Variants in HCRTR2 observed in about 807,000 individuals in gnomAD.
The protein encoded by HCRTR2 is orexin receptor type 2.
In HCRTR2, 22 loss-of-function variants were observed where a neutral mutation model predicts 49.0. The ratio of observed to expected loss-of-function variants is 0.45; its 90% CI spans 0.32 to 0.64. The LOEUF (loss-of-function observed/expected upper bound fraction) is 0.64, where lower values mean the gene tolerates loss of function less well. Ranked by LOEUF, HCRTR2 falls within the 30% of genes least tolerant of loss-of-function variation. The pLI, the probability that HCRTR2 is intolerant of heterozygous loss-of-function variation, is 0.04. For synonymous variants in HCRTR2, 236 were observed against 205.3 expected, an observed-to-expected ratio of 1.15 and a Z score of -1.28; for missense variants, 491 against 559.4, an observed-to-expected ratio of 0.88 and a Z score of 1.23.
intron 1 of HCRTR2, among the ~76,000 whole-genome samples, chr6:55,238,571 C>G (rs987743746): frequency 6.6e-6 from 1 of 152,142 alleles, no homozygotes; most frequent in South Asian, 2.1e-4. Flanking sequence ...GAAACACACA[C>G]ACACGCTCAC....
At chr6:55,270,294 C>T (rs1372683802) in intron 4 of HCRTR2, among the ~76,000 whole-genome samples, 2 of 152,092 alleles carry the variant, frequency 1.3e-5, no homozygotes, top group Non-Finnish European at 2.9e-5. Context: ...TTTTCAAGTC[C>T]TATACATGAA....
intron 1 of HCRTR2, among the ~76,000 whole-genome samples, chr6:55,116,709 G>GAA (rs1764121416): frequency 6.0e-5 from 1 of 16,718 alleles, no homozygotes; most frequent in African/African-American, 1.2e-4. Flanking sequence ...ACTGTAAAGA[G>GAA]AGAGAGAAAA....
chr6:55,203,247 T>C (rs1765541648), intron 1 of HCRTR2, among the ~76,000 whole-genome samples: 1 of 152,200 alleles, frequency 6.6e-6, no homozygotes, highest in Non-Finnish European at 1.5e-5. Flanking sequence ...TAAAAACTCA[T>C]TTGACAAATA....
chr6:55,275,993 A>G (rs1181312718), intron 4 of HCRTR2, among the ~76,000 whole-genome samples: 2 of 152,118 alleles, frequency 1.3e-5, no homozygotes, highest in East Asian at 3.9e-4. Context: ...ATCATTTAGC[A>G]GACACATACA....
chr6:55,181,114 T>C (rs896256431), intron 1 of HCRTR2, among the ~76,000 whole-genome samples: 4 of 151,956 alleles, frequency 2.6e-5, no homozygotes, highest in African/African-American at 7.3e-5. Flanking sequence ...CGTGAACAGG[T>C]CAATTTCTAT....
At chr6:55,279,389 T>C (rs990545686) in intron 5 of HCRTR2, among the ~76,000 whole-genome samples, 1 of 151,916 alleles carries the variant, frequency 6.6e-6, no homozygotes, top group Non-Finnish European at 1.5e-5. Context: ...CATAACATAG[T>C]ACAAATTTCT....
chr6:55,239,363 T>TAAGTC (rs1265356917), intron 1 of HCRTR2, among the ~76,000 whole-genome samples: 2 of 152,192 alleles, frequency 1.3e-5, no homozygotes, highest in African/African-American at 4.8e-5. Context: ...AGACAGCTGA[T>TAAGTC]AAGTCAAGCC....
intron 2 of HCRTR2, among the ~76,000 whole-genome samples, chr6:55,253,999 C>T (rs1766601972): frequency 6.6e-6 from 1 of 152,018 alleles, no homozygotes; most frequent in African/African-American, 2.4e-5. Flanking sequence ...ATCTATGTAA[C>T]AAACCTGCTC....
intron 1 of HCRTR2, among the ~76,000 whole-genome samples, chr6:55,135,537 G>A (rs1764422042): frequency 6.6e-6 from 1 of 152,024 alleles, no homozygotes; most frequent in Non-Finnish European, 1.5e-5. Context: ...AGAGCAATCA[G>A]TTGCTTCAGT....
At chr6:55,150,318 T>C in intron 1 of HCRTR2, among the ~76,000 whole-genome samples, 1 of 147,256 alleles carries the variant, frequency 6.8e-6, no homozygotes, top group Admixed American at 6.8e-5. Context: ...TGTTCTTTCT[T>C]CTTATTATTA....
intron 1 of HCRTR2, among the ~76,000 whole-genome samples, chr6:55,213,333 A>G (rs963867570): frequency 6.6e-6 from 1 of 152,192 alleles, no homozygotes; most frequent in Non-Finnish European, 1.5e-5. Flanking sequence ...ATATAAAACA[A>G]ACAATAATTA....
chr6:55,215,590 A>C (rs1057371464), intron 1 of HCRTR2, among the ~76,000 whole-genome samples: 4 of 152,222 alleles, frequency 2.6e-5, no homozygotes, highest in East Asian at 1.9e-4. Flanking sequence ...GTTAAAAAAA[A>C]CCACAAGTAT....
At chr6:55,183,989 G>A (rs576429468) in intron 1 of HCRTR2, among the ~76,000 whole-genome samples, 14 of 151,924 alleles carry the variant, frequency 9.2e-5, no homozygotes, top group South Asian at 8.3e-4. Context: ...GTGCAGTGGC[G>A]CCATTTCAGC....
chr6:55,169,559 C>G (rs1014998298), upstream of HCRTR2, among the ~76,000 whole-genome samples: 1 of 151,666 alleles, frequency 6.6e-6, no homozygotes, highest in Non-Finnish European at 1.5e-5. Context: ...TGATTTGAGA[C>G]TTTTCTAGAA....
chr6:55,136,114 G>A (rs1373374021), intron 1 of HCRTR2, among the ~76,000 whole-genome samples: 1 of 152,244 alleles, frequency 6.6e-6, no homozygotes, highest in East Asian at 1.9e-4. Flanking sequence ...TTCCAGAATA[G>A]TAGAAATTGA....
chr6:55,126,144 A>T (rs1342166538), intron 1 of HCRTR2, among the ~76,000 whole-genome samples: 1 of 151,972 alleles, frequency 6.6e-6, no homozygotes, highest in Non-Finnish European at 1.5e-5. Context: ...TTCTCTGTCC[A>T]GTTTTGTTCC....
At chr6:55,253,494 G>T (rs531126721) in intron 2 of HCRTR2, among the ~76,000 whole-genome samples, 5 of 152,218 alleles carry the variant, frequency 3.3e-5, no homozygotes, top group African/African-American at 1.2e-4. Context: ...AGAAGAAGAT[G>T]ACTGGACTAT....
chr6:55,220,656 A>G lies in HCRTR2; in HGVS notation c.224-27983A>G, dbSNP rs374482330. Among the ~76,000 whole-genome samples the G allele has an allele frequency of 9.8e-4, 149 of 152,310 alleles. 5 individuals carry two copies. The South Asian group carries it at 0.024, about 25-fold the overall frequency. On this transcript the variant is annotated intron_variant, in intron 1 of 6. Coordinates refer to ENST00000370862, the MANE Select transcript of HCRTR2 (RefSeq NM_001384272.1). ...CCTCCAAGATCAGGAACTAGGTAAG[A>G]ATGTCCATTCTTGCCATTTCTCATC...
chr6:55,203,448 A>C (rs992306221), intron 1 of HCRTR2, among the ~76,000 whole-genome samples: 1 of 152,220 alleles, frequency 6.6e-6, no homozygotes, highest in Non-Finnish European at 1.5e-5. Flanking sequence ...AAATAAAGAC[A>C]AAACAAATCC....
Sources: allele counts gnomAD v4.1 joint callset (sites outside exome capture counted in the v4.1 genomes callset), GRCh38; gene constraint gnomAD v4.1.1; transcripts MANE v1.5; gene names NCBI Gene and HGNC (gene_info 2026-07-23, HGNC 2026-07-21).